EDIL3: variants seen among roughly 807,000 people sequenced by gnomAD.
EDIL3 encodes EGF like and discoidin domains 3.
In EDIL3, 37 loss-of-function variants were observed where a neutral mutation model predicts 67.4. That is an observed-to-expected ratio of 0.55 (90% confidence interval 0.42 to 0.72). EDIL3 has a LOEUF of 0.72. Ranked by LOEUF, EDIL3 falls within the 30% of genes least tolerant of loss-of-function variation. EDIL3 has a pLI of 0.00. For missense variants in EDIL3, 527 were observed against 586.3 expected (o/e 0.90, Z 1.04); for synonymous variants, 195 against 196.3 (o/e 0.99, Z 0.05).
chr5:84,107,820 C>T (rs1021951358), intron 5 of EDIL3, among the ~76,000 whole-genome samples: 3 of 150,302 alleles, frequency 2.0e-5, no homozygotes, highest in African/African-American at 7.3e-5. Context: ...AGGTACATTT[C>T]TTTTAAATTC....
intron 4 of EDIL3, among the ~76,000 whole-genome samples, chr5:84,164,942 A>T (rs1748678363): frequency 6.6e-6 from 1 of 152,126 alleles, no homozygotes; most frequent in Non-Finnish European, 1.5e-5. Flanking sequence ...ATGAGCGATA[A>T]GGGCAAGGGC....
At chr5:83,944,000 G>A (rs1277331187) in intron 10 of EDIL3, among the ~76,000 whole-genome samples, 1 of 152,002 alleles carries the variant, frequency 6.6e-6, no homozygotes, top group Non-Finnish European at 1.5e-5. Context: ...GCAAGGGGAG[G>A]GAGAGTTAGC....
chr5:84,011,996 G>A (rs1745524678), intron 9 of EDIL3, among the ~76,000 whole-genome samples: 1 of 152,050 alleles, frequency 6.6e-6, no homozygotes, highest in Non-Finnish European at 1.5e-5. Flanking sequence ...TTCCACAAAG[G>A]CAGGAATTTG....
At chr5:84,267,722 C>G (rs138797957) in intron 1 of EDIL3, among the ~76,000 whole-genome samples, 2 of 152,008 alleles carry the variant, frequency 1.3e-5, no homozygotes, top group East Asian at 3.9e-4. Context: ...TGTATATGCT[C>G]TCTTACCAAA....
At chr5:83,961,490 G>A (rs1744606841) in intron 10 of EDIL3, among the ~76,000 whole-genome samples, 1 of 151,034 alleles carries the variant, frequency 6.6e-6, no homozygotes, top group South Asian at 2.1e-4. Flanking sequence ...CATAAATGGA[G>A]ACAAAAAAGT....
chr5:83,956,046 C>T (rs1744508562), intron 10 of EDIL3, among the ~76,000 whole-genome samples: 1 of 151,748 alleles, frequency 6.6e-6, no homozygotes, highest in Admixed American at 6.6e-5. Context: ...GACAGAATGG[C>T]TTCTGGTTGT....
rs776490604 is a variant in EDIL3, at chr5:84,048,239, T to C, written c.1137+12061A>G. On this transcript the variant is annotated intron_variant, in intron 9 of 10. Coordinates refer to ENST00000296591, the MANE Select transcript of EDIL3 (RefSeq NM_005711.5). ...ACAAATGTTTCCAGTGGCCTGGTGG[T>C]CACTTAATTTTGAAAACCTTTCCTT... is the stretch of plus-strand genomic sequence containing the variant. The C allele has an allele frequency of 4.1e-5, 18 of 444,140 alleles. 1 individual carries two copies. The highest frequency in any genetic ancestry group is 2.9e-4 in the South Asian group (18 of 62,094). 27.5% of individuals were successfully genotyped at this position (444,140 alleles called of 1,614,324 possible). A position where few individuals can be genotyped will look rare whatever the true frequency, so the allele number is the denominator to read the frequency against.
At chr5:84,295,239 ATG>A (rs1347149789) in intron 1 of EDIL3, among the ~76,000 whole-genome samples, 2 of 152,106 alleles carry the variant, frequency 1.3e-5, no homozygotes, top group African/African-American at 4.8e-5. Context: ...AGGTGTGAAT[ATG>A]TGTGTGTTAA....
At chr5:84,308,621 A>G (rs989277284) in intron 1 of EDIL3, among the ~76,000 whole-genome samples, 5 of 152,170 alleles carry the variant, frequency 3.3e-5, no homozygotes, top group African/African-American at 1.2e-4. Flanking sequence ...ACTCTTTCTC[A>G]GGAAGTAATT....
chr5:84,224,916 T>G (rs925314735), intron 3 of EDIL3, among the ~76,000 whole-genome samples: 1 of 151,602 alleles, frequency 6.6e-6, no homozygotes, highest in Admixed American at 6.6e-5. Flanking sequence ...GTACAGTATC[T>G]GCTTTAAAAA....
At chr5:84,295,207 C>CT (rs1247138869) in intron 1 of EDIL3, among the ~76,000 whole-genome samples, 5 of 151,932 alleles carry the variant, frequency 3.3e-5, no homozygotes, top group African/African-American at 7.2e-5. Context: ...GATTACATAA[C>CT]TTTTAAAAAT....
intron 6 of EDIL3, among the ~76,000 whole-genome samples, chr5:84,102,302 G>A (rs1026861309): frequency 4.6e-5 from 7 of 151,974 alleles, no homozygotes; most frequent in South Asian, 2.1e-4. Flanking sequence ...ACATAGTATT[G>A]GAAGTCCTGG....
intron 9 of EDIL3, among the ~76,000 whole-genome samples, chr5:83,989,634 T>C (rs954650214): frequency 4.6e-5 from 7 of 152,172 alleles, no homozygotes; most frequent in Non-Finnish European, 8.8e-5. Flanking sequence ...GACTAAAGTA[T>C]GGACTTTAGG....
rs116035183 is a variant in EDIL3 at position 84,157,369 on chromosome 5, T to C, written c.356-20015A>G. On this transcript the variant is annotated intron_variant, in intron 4 of 10. Coordinates refer to ENST00000296591, the MANE Select transcript of EDIL3 (RefSeq NM_005711.5). ...AATCATTGACTCTGAAACAGTTTTG[T>C]ACATATTCCAGATGTGAAGTAAGCA... Among the ~76,000 whole-genome samples, 1,123 of 152,196 alleles carry C rather than the reference T, an allele frequency of 7.4e-3. 16 individuals are homozygous for C. The highest frequency in any genetic ancestry group is 0.021 in the African/African-American group (892 of 41,546).
intron 3 of EDIL3, among the ~76,000 whole-genome samples, chr5:84,205,080 A>AT (rs60872462): frequency 0.031 from 4,401 of 140,774 alleles, 227 homozygotes; most frequent in African/African-American, 0.11. Flanking sequence ...GCCCTGGAAG[A>AT]TTTTTTTTTT....
In EDIL3 at chr5:84,075,501, A is replaced by C. The variant is rs1746836301; in HGVS notation, c.652-8895T>G. On this transcript the variant is annotated intron_variant, in intron 6 of 10. Coordinates refer to ENST00000296591, the MANE Select transcript of EDIL3 (RefSeq NM_005711.5). ...TCTTCTTCTTATTATTTTGAGACGGAGTCTTCCTCTGTCACCCAGGCAGGA... is the reference window on the plus strand; with the variant it reads ...TCTTCTTCTTATTATTTTGAGACGGCGTCTTCCTCTGTCACCCAGGCAGGA... Among the ~76,000 whole-genome samples, 3 of 151,766 alleles carry C rather than the reference A, an allele frequency of 2.0e-5. No homozygotes were observed. In the South Asian group the frequency reaches 6.2e-4, roughly 32 times the overall value.
chr5:84,162,827 G>A (rs1460233404), intron 4 of EDIL3, among the ~76,000 whole-genome samples: 3 of 152,056 alleles, frequency 2.0e-5, no homozygotes, highest in African/African-American at 7.2e-5. Context: ...TATCCAGTGA[G>A]GACAGCTTAG....
intron 1 of EDIL3, among the ~76,000 whole-genome samples, chr5:84,296,754 T>C (rs1038392874): frequency 1.2e-4 from 18 of 152,204 alleles, no homozygotes; most frequent in Admixed American, 2.6e-4. Flanking sequence ...CTGAATGGTA[T>C]TGCTTAGAGC....
At chr5:84,349,777 T>C (rs1382602192) in intron 1 of EDIL3, among the ~76,000 whole-genome samples, 1 of 152,152 alleles carries the variant, frequency 6.6e-6, no homozygotes, top group Admixed American at 6.6e-5. Context: ...AGGTATACCT[T>C]ATTCATTTAA....
Sources: gnomAD v4.1 joint callset for allele counts (sites outside exome capture counted in the v4.1 genomes callset) on GRCh38, gnomAD v4.1.1 for gene constraint, MANE v1.5 for transcripts, NCBI Gene and HGNC (gene_info 2026-07-23, HGNC 2026-07-21) for gene names.